Variants in KIAA1549L observed in about 807,000 individuals in gnomAD.
KIAA1549L encodes the protein UPF0606 protein KIAA1549L.
Under a neutral mutation model 160.7 loss-of-function variants are expected in KIAA1549L, and 88 were observed. That is an observed-to-expected ratio of 0.55 (90% CI 0.46 to 0.65). The LOEUF (loss-of-function observed/expected upper bound fraction) is 0.65. Ranked by LOEUF, KIAA1549L falls within the 30% of genes least tolerant of loss-of-function variation. KIAA1549L has a pLI of 0.00. For synonymous variants in KIAA1549L, 950 were observed against 976.7 expected (o/e 0.97, Z 0.51); for missense variants, 2,258 against 2,437.5 (o/e 0.93, Z 1.55).
chr11:33,648,421 T>C (rs1160545330), intron 17 of KIAA1549L, among the ~76,000 whole-genome samples: 2 of 151,598 alleles, frequency 1.3e-5, no homozygotes, highest in African/African-American at 4.8e-5. Context: ...ATGATGATGA[T>C]TCTTAACCCA....
intron 4 of KIAA1549L, among the ~76,000 whole-genome samples, chr11:33,549,209 T>C (rs766295965): frequency 1.3e-5 from 2 of 152,180 alleles, no homozygotes; most frequent in Non-Finnish European, 2.9e-5. Flanking sequence ...GGGCATTTGA[T>C]ATTACCACCA....
In KIAA1549L at chr11:33,543,341, A is replaced by G. The variant is rs1478837943; in HGVS notation, c.1778A>G (p.His593Arg). Reference sequence around the variant, plus strand: ...CCAAGGAAAGAGGTTTTGAGTCTTCACACTGTAAATGGATTTGTCTCTGAT... The same window carrying G: ...CCAAGGAAAGAGGTTTTGAGTCTTCGCACTGTAAATGGATTTGTCTCTGAT... ...AFPRKEVLSL[H>R]TVNGFVSDFS... The change falls in exon 2 of 21, where the codon CAC becomes CGC. Residue 593 changes from histidine (H) to arginine (R), a missense_variant. Transcript: ENST00000658780. 2.5e-6 allele frequency: 4 copies of G among 1,614,038 alleles called. No individual in the cohort carries two copies. Among genetic ancestry groups the G allele is most frequent in the Non-Finnish European group, 3.4e-6 (4 of 1,179,892 alleles).
rs544407218 is a variant in KIAA1549L at position 33,619,311 on chromosome 11, C to A, written c.5409+649C>A. Among the ~76,000 whole-genome samples the A allele has an allele frequency of 3.9e-5, 6 of 152,274 alleles. No individual in the cohort carries two copies. In the South Asian group the frequency reaches 1.0e-3, roughly 26 times the overall value. ...TCCTGTGCTGAGAGGTACAGTAATG[C>A]CTCACCCTGCCCCAGCATTTCACAT... On this transcript the variant is annotated intron_variant, in intron 16 of 20. Coordinates refer to ENST00000658780, the MANE Select transcript of KIAA1549L (RefSeq NM_012194.3).
intron 1 of KIAA1549L, among the ~76,000 whole-genome samples, chr11:33,537,787 TACCCCAGGGTCAGTGAC>T (rs1179831676): frequency 1.3e-5 from 2 of 152,234 alleles, no homozygotes; most frequent in African/African-American, 4.8e-5. Context: ...GGTAAACTGA[TACCCCAGGGTCAGTGAC>T]AGGCACAGAC....
chr11:33,490,755 C>A (rs1852639198), intron 1 of KIAA1549L, among the ~76,000 whole-genome samples: 2 of 152,180 alleles, frequency 1.3e-5, no homozygotes, highest in Non-Finnish European at 2.9e-5. Context: ...AGGTGCCTGC[C>A]TTTGCATTGA....
chr11:33,588,246 T>C (rs989308500), intron 11 of KIAA1549L, among the ~76,000 whole-genome samples: 1 of 152,170 alleles, frequency 6.6e-6, no homozygotes, highest in African/African-American at 2.4e-5. Flanking sequence ...TAACTTTATA[T>C]GTTCAGCACC....
chr11:33,550,946 T>C, intron 4 of KIAA1549L, 94 bp from the exon 5 acceptor site: 1 of 987,550 alleles, frequency 1.0e-6, no homozygotes, highest in East Asian at 2.4e-5. Flanking sequence ...TCTCCAGTCT[T>C]GTTTCTAACA....
intron 1 of KIAA1549L, among the ~76,000 whole-genome samples, chr11:33,536,571 A>T (rs2133161246): frequency 6.6e-6 from 1 of 152,248 alleles, no homozygotes; most frequent in South Asian, 2.1e-4. Context: ...TTGGCCTTTG[A>T]TGATGTTGCT....
chr11:33,641,318 G>A (rs1041434273), intron 16 of KIAA1549L, among the ~76,000 whole-genome samples: 13 of 152,110 alleles, frequency 8.5e-5, no homozygotes, highest in Non-Finnish European at 1.2e-4. Flanking sequence ...CCCTGAAGGA[G>A]TTCCCAGTCT....
chr11:33,555,110 TAATTTTTCTTAC>T (rs1441777648), intron 6 of KIAA1549L, among the ~76,000 whole-genome samples: 3 of 16,564 alleles, frequency 1.8e-4, no homozygotes, highest in Non-Finnish European at 2.9e-4. Flanking sequence ...TTTTCTTACC[TAATTTTTCTTAC>T]AATTTTTCTT....
chr11:33,541,946 C>A lies in KIAA1549L; in HGVS notation c.383C>A (p.Ser128Tyr). 1 of 381,912 alleles carries A rather than the reference C, an allele frequency of 2.6e-6. No homozygotes were observed. Among genetic ancestry groups the A allele is most frequent in the Non-Finnish European group, 5.5e-6 (1 of 183,190 alleles). The allele number at this position is 381,912 out of a possible 1,614,324, so 23.7% of individuals were successfully genotyped here. A position where few individuals can be genotyped will look rare whatever the true frequency, so the allele number is the denominator to read the frequency against. The change falls in exon 2 of 21, where the codon TCC becomes TAC. Residue 128 changes from serine to tyrosine, a missense_variant. Transcript: ENST00000658780. Reference sequence around the variant, plus strand: ...AGAATCAAGACCGTGCTGGGACAGTCCTCTGACAACACAAGCTTGCCACAG... The same window carrying A: ...AGAATCAAGACCGTGCTGGGACAGTACTCTGACAACACAAGCTTGCCACAG... Reference protein sequence around the residue: ...ADRIKTVLGQSSDNTSLPQSA... With the variant: ...ADRIKTVLGQYSDNTSLPQSA...
At chr11:33,394,112 C>T (rs918512890) in intron 1 of KIAA1549L, among the ~76,000 whole-genome samples, 1 of 152,186 alleles carries the variant, frequency 6.6e-6, no homozygotes, top group Non-Finnish European at 1.5e-5. Flanking sequence ...ATGGCTCACA[C>T]CTGTAATCCC....
intron 1 of KIAA1549L, among the ~76,000 whole-genome samples, chr11:33,516,402 C>T (rs1853344630): frequency 7.0e-6 from 1 of 142,176 alleles, no homozygotes; most frequent in African/African-American, 2.7e-5. Flanking sequence ...CCGCCCGCCT[C>T]GGCCTCCCAA....
intron 17 of KIAA1549L, among the ~76,000 whole-genome samples, chr11:33,647,704 A>C (rs1438952738): frequency 6.6e-6 from 1 of 152,176 alleles, no homozygotes; most frequent in Non-Finnish European, 1.5e-5. Flanking sequence ...TCAGAGAGAA[A>C]GGCCTAGACA....
intron 16 of KIAA1549L, among the ~76,000 whole-genome samples, chr11:33,633,455 G>A (rs1158005220): frequency 9.2e-5 from 14 of 152,202 alleles, no homozygotes; most frequent in Admixed American, 2.6e-4. Flanking sequence ...TTGTGCATCC[G>A]TCTGGTTTTT....
At chr11:33,642,858 G>A (rs1460894408) in intron 16 of KIAA1549L, among the ~76,000 whole-genome samples, 1 of 152,160 alleles carries the variant, frequency 6.6e-6, no homozygotes, top group Non-Finnish European at 1.5e-5. Context: ...ATCTAACAAG[G>A]GGAAGTGGAC....
Position 33,514,712 on chromosome 11 carries a change from C to G in KIAA1549L, c.239-27090C>G, listed in dbSNP as rs536281906. 1.1e-4 allele frequency among the ~76,000 whole-genome samples: 17 copies of G among 152,244 alleles called. No homozygotes were observed. In the South Asian group the frequency reaches 3.5e-3, roughly 32 times the overall value. On this transcript the variant is annotated intron_variant, in intron 1 of 20. Coordinates refer to ENST00000658780, the MANE Select transcript of KIAA1549L (RefSeq NM_012194.3). ...GACAGACACTGATTTTTCCTGTAGT[C>G]AGTTTTAAAGGCTTTACCATCTGGG... is the stretch of plus-strand genomic sequence containing the variant.
At chr11:33,492,814 C>T (rs1852715491) in intron 1 of KIAA1549L, among the ~76,000 whole-genome samples, 1 of 152,288 alleles carries the variant, frequency 6.6e-6, no homozygotes, top group South Asian at 2.1e-4. Context: ...GTACTGTCAT[C>T]AGATGCATAT....
intron 18 of KIAA1549L, 102 bp from the exon 19 acceptor site, chr11:33,658,645 TGGA>T (rs1852150183): frequency 1.7e-6 from 2 of 1,164,138 alleles, no homozygotes; most frequent in Non-Finnish European, 2.5e-6. Context: ...TCATGAGGCT[TGGA>T]GGCAGCTGTC....
Sources: allele counts gnomAD v4.1 joint callset (sites outside exome capture counted in the v4.1 genomes callset), GRCh38; gene constraint gnomAD v4.1.1; transcripts MANE v1.5; gene names NCBI Gene and HGNC (gene_info 2026-07-23, HGNC 2026-07-21).